CCDC9: variants seen among roughly 807,000 people sequenced by gnomAD.
CCDC9 encodes the protein coiled-coil domain-containing protein 9.
In CCDC9, 52 loss-of-function variants were observed where a neutral mutation model predicts 65.6. The observed-to-expected ratio is 0.79, with a 90% CI of 0.63 to 1.00. The LOEUF is 1.00. Ranked by LOEUF, CCDC9 falls within the 50% of genes least tolerant of loss-of-function variation. CCDC9 has a pLI of 0.00. For synonymous variants in CCDC9, 332 were observed against 280.3 expected (o/e 1.18, Z -1.84); for missense variants, 834 against 757.2 (o/e 1.10, Z -1.19).
intron 10 of CCDC9, 82 bp from the exon 11 acceptor site, chr19:47,271,000 C>T: frequency 2.8e-6 from 3 of 1,073,232 alleles, no homozygotes; most frequent in Non-Finnish European, 4.1e-6. Context: ...GGCAGCTCCT[C>T]CCTAGGGAGG....
At chr19:47,263,688 C>T (rs1023748782) in intron 5 of CCDC9, among the ~76,000 whole-genome samples, 1 of 151,968 alleles carries the variant, frequency 6.6e-6, no homozygotes, top group Admixed American at 6.6e-5. Flanking sequence ...GTCTCAGCCT[C>T]CCAAGTAGCT....
At chr19:47,258,707 C>G (rs746370046) in intron 3 of CCDC9, 44 bp downstream of exon 3, 2 of 1,454,944 alleles carry the variant, frequency 1.4e-6, no homozygotes, top group South Asian at 1.1e-5. Context: ...CTCTCTTCCC[C>G]GCAGTGAGTT....
At chr19:47,257,226 C>A (rs2059016226) in intron 1 of CCDC9, among the ~76,000 whole-genome samples, 1 of 148,796 alleles carries the variant, frequency 6.7e-6, no homozygotes, top group African/African-American at 2.5e-5. Context: ...GGGAGGGAGT[C>A]AGGGGGCGTG....
intron 7 of CCDC9, among the ~76,000 whole-genome samples, chr19:47,265,159 G>A (rs1362056323): frequency 3.3e-5 from 5 of 152,058 alleles, no homozygotes; most frequent in African/African-American, 4.8e-5. Context: ...CTGGGCTCAA[G>A]CAATTCTGCC....
chr19:47,271,941 T>G lies in CCDC9; in HGVS notation c.*263T>G, dbSNP rs2059127037. 2.3e-6 allele frequency: 3 copies of G among 1,290,832 alleles called. No homozygotes were observed. The highest frequency in any genetic ancestry group is 2.9e-6 in the Non-Finnish European group (3 of 1,021,192). The allele number at this position is 1,290,832 out of a possible 1,614,324, so 80.0% of individuals were successfully genotyped here. The stretch of plus-strand genomic sequence containing the variant: ...TCGAGCCCCCTCCCCAATAAAGAAT[T>G]CACATCCTCCAATGACATTCCCCCA... On this transcript the variant is annotated 3_prime_UTR_variant, in exon 12 of 12. Coordinates refer to ENST00000221922, the MANE Select transcript of CCDC9 (RefSeq NM_015603.3).
intron 2 of CCDC9, 30 bp downstream of exon 2, chr19:47,258,433 C>CT (rs758044756): frequency 2.8e-5 from 45 of 1,613,852 alleles, no homozygotes; most frequent in African/African-American, 4.0e-5. Flanking sequence ...TCTCTAGAAT[C>CT]TGAGTTTTGG....
downstream of CCDC9, chr19:47,275,238 C>T: frequency 4.6e-6 from 7 of 1,536,182 alleles, no homozygotes; most frequent in Non-Finnish European, 6.1e-6. Context: ...GCGACCCCAG[C>T]TCCAGCTGCC....
At chr19:47,275,712 C>T (rs1488375721), downstream of CCDC9, 4 of 288,072 alleles carry the variant, frequency 1.4e-5, no homozygotes, top group African/African-American at 2.2e-5. Context: ...TGTGTCTGTC[C>T]TGTTGTCTGC....
chr19:47,271,360 C>G lies in CCDC9; in HGVS notation c.1278C>G (p.Asp426Glu). 6.2e-7 allele frequency: 1 copy of G among 1,613,564 alleles called. No individual in the cohort carries two copies. The highest frequency in any genetic ancestry group is 1.1e-5 in the South Asian group (1 of 91,030). ...GGGAAGAGGATGAAGAATGGGAGGACATAAGTGAGGATGAGGAAGAGGAGG... is the reference window on the plus strand; with the variant it reads ...GGGAAGAGGATGAAGAATGGGAGGAGATAAGTGAGGATGAGGAAGAGGAGG... ...NEGEEDEEWEDISEDEEEEEI... is the reference protein window; with the variant it reads ...NEGEEDEEWEEISEDEEEEEI... Residue 426 changes from aspartate (D) to glutamate (E), a missense_variant, in exon 12 of 12, where the codon GAC becomes GAG. Asp to Glu is a conservative substitution (Grantham distance 45). Coordinates refer to ENST00000221922, the MANE Select transcript of CCDC9 (RefSeq NM_015603.3).
downstream of CCDC9, chr19:47,275,136 TCCCCTCC>T: frequency 6.7e-7 from 1 of 1,490,434 alleles, no homozygotes; most frequent in Non-Finnish European, 8.9e-7. Flanking sequence ...CAGCGCGCCG[TCCCCTCC>T]GTGTGCTGCC....
Position 47,270,429 on chromosome 19 carries a change from G to A in CCDC9, c.925G>A (p.Ala309Thr), listed in dbSNP as rs1481886644. ...CAGGTTCAAGGATGGCCCAGTCCCT[G>A]CCCATGAACCATCCCACCGCTATGG... The part of the protein sequence containing the change: ...DGMFKDGPVP[A>T]HEPSHRYDDQ... Residue 309 changes from alanine (A) to threonine (T), a missense_variant, in exon 9 of 12, where the codon GCC (alanine) becomes ACC (threonine). Transcript: ENST00000221922. 1.2e-6 allele frequency: 2 copies of A among 1,614,146 alleles called. No individual in the cohort carries two copies. The highest frequency in any genetic ancestry group is 1.7e-4 in the Middle Eastern group (1 of 6,060).
rs775347628 is a variant in CCDC9, at chr19:47,271,716, TGTGTGTGTGTGTGTGTGCGCGCGCGCGC to T, written c.*40_*67del. The stretch of plus-strand genomic sequence containing the variant: ...GTGTGTGTGTGTGTGTGTGTGTGTG[TGTGTGTGTGTGTGTGTGCGCGCGCGCGC>T]GCGCGCGCGCGCGCGCTAGAGGGGT... On this transcript the variant is annotated 3_prime_UTR_variant, in exon 12 of 12. Coordinates refer to ENST00000221922, the MANE Select transcript of CCDC9 (RefSeq NM_015603.3). 335 of 1,386,416 alleles carry T rather than the reference TGTGTGTGTGTGTGTGTGCGCGCGCGCGC, an allele frequency of 2.4e-4. 1 individual carries two copies. Among genetic ancestry groups the T allele is most frequent in the South Asian group, 6.8e-4 (49 of 72,400 alleles). The allele number at this position is 1,386,416 out of a possible 1,614,324, so 85.9% of individuals were successfully genotyped here.
intron 5 of CCDC9, among the ~76,000 whole-genome samples, chr19:47,261,141 T>C (rs545616434): frequency 4.6e-5 from 7 of 152,080 alleles, no homozygotes; most frequent in African/African-American, 1.7e-4. Context: ...CCCTCCCCTC[T>C]CCTGCTTAGT....
intron 8 of CCDC9, among the ~76,000 whole-genome samples, chr19:47,267,053 C>T (rs1461258528): frequency 2.0e-5 from 3 of 151,984 alleles, no homozygotes; most frequent in East Asian, 1.9e-4. Flanking sequence ...CAAGCTCCGC[C>T]TCCCAGGTTC....
At chr19:47,262,200 C>T (rs1037143836) in intron 5 of CCDC9, among the ~76,000 whole-genome samples, 1 of 147,406 alleles carries the variant, frequency 6.8e-6, no homozygotes, top group Non-Finnish European at 1.5e-5. Context: ...CTCAGGGACC[C>T]AGGTTCCTGC....
chr19:47,272,251 A>T (rs2059128818), downstream of CCDC9: 2 of 758,826 alleles, frequency 2.6e-6, no homozygotes, highest in Non-Finnish European at 3.4e-6. Context: ...AGTGGGGTGA[A>T]TGTGTGTAGG....
At chr19:47,272,154 A>G (rs2059128151), downstream of CCDC9, 32 of 1,235,254 alleles carry the variant, frequency 2.6e-5, 3 homozygotes, top group South Asian at 1.3e-3. Context: ...GGTCTGAGGC[A>G]ACTCCAGGTG....
intron 3 of CCDC9, 107 bp from the exon 4 acceptor site, chr19:47,260,214 G>T (rs1193861074): frequency 2.6e-6 from 2 of 760,468 alleles, no homozygotes; most frequent in Non-Finnish European, 4.5e-6. Context: ...CAGAGTCCAG[G>T]AGAGAGGCCT....
rs894379277 is a variant in CCDC9, at chr19:47,271,332, A to G, written c.1250A>G (p.Glu417Gly). The G allele has an allele frequency of 1.2e-6, 2 of 1,612,692 alleles. No individual in the cohort carries two copies. Among genetic ancestry groups the G allele is most frequent in the Non-Finnish European group, 1.7e-6 (2 of 1,179,406 alleles). ...RPPEDEGEEN[E>G]GEEDEEWEDI... is the part of the protein sequence containing the mutation. ...CCTGAAGACGAGGGGGAAGAGAATG[A>G]GGGGGAAGAGGATGAAGAATGGGAG... The change falls in exon 12 of 12, where the codon GAG (glutamate) becomes GGG (glycine). Residue 417 changes from glutamate to glycine, a missense_variant. Coordinates refer to ENST00000221922, the MANE Select transcript of CCDC9 (RefSeq NM_015603.3).
Sources: allele counts gnomAD v4.1 joint callset (sites outside exome capture counted in the v4.1 genomes callset), GRCh38; gene constraint gnomAD v4.1.1; transcripts MANE v1.5; gene names NCBI Gene and HGNC (gene_info 2026-07-23, HGNC 2026-07-21).